The following IFT46 variants were observed in gnomAD, a reference collection of about 807,000 sequenced individuals.
The protein encoded by IFT46 is intraflagellar transport protein 46 homolog.
A neutral mutation model predicts 39.6 loss-of-function variants in IFT46; 19 were observed. The ratio of observed to expected loss-of-function variants is 0.48; its 90% CI spans 0.33 to 0.70. The LOEUF (loss-of-function observed/expected upper bound fraction) is 0.70, where lower values mean the gene tolerates loss of function less well. IFT46 is among the 30% of genes least tolerant of loss of function. The probability of loss-of-function intolerance (pLI) is 0.01; values close to 1 mark genes in which losing one functional copy is unlikely to be tolerated. For synonymous variants in IFT46, 117 were observed against 134.8 expected, an observed-to-expected ratio of 0.87 and a Z score of 0.91; for missense variants, 334 against 364.8, an observed-to-expected ratio of 0.92 and a Z score of 0.69.
chr11:118,545,688 A>C, intron 10 of IFT46, 105 bp downstream of exon 10: 1 of 1,312,714 alleles, frequency 7.6e-7, no homozygotes, highest in Non-Finnish European at 1.1e-6. Context: ...CTTAAAGTGA[A>C]GGCTGAAACT....
At chr11:118,550,012 G>A (rs782666373) in intron 9 of IFT46, among the ~76,000 whole-genome samples, 86 of 150,674 alleles carry the variant, frequency 5.7e-4, no homozygotes, top group Non-Finnish European at 1.1e-3. Context: ...CAACCTCCGT[G>A]CCCTCCTCTG....
At chr11:118,569,123 C>CA (rs782641298), upstream of IFT46, among the ~76,000 whole-genome samples, 171 of 149,950 alleles carry the variant, frequency 1.1e-3, no homozygotes, top group Non-Finnish European at 2.0e-3. Context: ...ACTAAAAATA[C>CA]AAAAAACTAG....
At chr11:118,546,272 C>T in intron 9 of IFT46, 1 of 669,722 alleles carries the variant, frequency 1.5e-6, no homozygotes, top group Non-Finnish European at 2.7e-6. Flanking sequence ...TTGAGGTGGG[C>T]AGATCGCCTG....
intron 2 of IFT46, among the ~76,000 whole-genome samples, chr11:118,563,290 T>C (rs1244611094): frequency 6.6e-6 from 1 of 152,124 alleles, no homozygotes; most frequent in Non-Finnish European, 1.5e-5. Flanking sequence ...AAGCAAGCAA[T>C]AGGGAACTAT....
intron 4 of IFT46, among the ~76,000 whole-genome samples, 157 bp downstream of exon 4, chr11:118,556,749 C>G (rs1937849538): frequency 6.6e-6 from 1 of 152,110 alleles, no homozygotes; most frequent in Non-Finnish European, 1.5e-5. Context: ...GGGAGGAAAA[C>G]TCATTATTAT....
intron 2 of IFT46, among the ~76,000 whole-genome samples, chr11:118,562,745 T>G (rs930999815): frequency 1.3e-5 from 2 of 151,982 alleles, no homozygotes; most frequent in African/African-American, 4.8e-5. Flanking sequence ...ACAACCCGAG[T>G]GTCCATTAAC....
chr11:118,544,725 C>A lies in IFT46; in HGVS notation c.*191G>T. On this transcript the variant is annotated 3_prime_UTR_variant, in exon 12 of 12. Transcript: ENST00000264021. The stretch of plus-strand genomic sequence containing the variant: ...AGATGCATTAACTCCCCGGGGACAG[C>A]AATCTGAGGCAGGCAGGTTCATTAA... The A allele has an allele frequency of 1.8e-6, 1 of 551,194 alleles. No individual in the cohort carries two copies. 34.1% of individuals were successfully genotyped at this position (551,194 alleles called of 1,614,324 possible).
At chr11:118,552,112 T>C in intron 8 of IFT46, 102 bp downstream of exon 8, 2 of 1,409,542 alleles carry the variant, frequency 1.4e-6, no homozygotes, top group South Asian at 2.6e-5. Flanking sequence ...CTCAGGTTGA[T>C]CAAATATGTT....
intron 7 of IFT46, among the ~76,000 whole-genome samples, chr11:118,554,210 C>G (rs1937749283): frequency 6.6e-6 from 1 of 152,018 alleles, no homozygotes; most frequent in Non-Finnish European, 1.5e-5. Context: ...GCCACTACAC[C>G]CTGCTAATTT....
At position 118,545,251 on chromosome 11, in the gene IFT46, T is replaced by C. The variant is rs1288972395; in HGVS notation, c.819+158A>G. On this transcript the variant is annotated intron_variant, in intron 11 of 11. Coordinates refer to ENST00000264021, the MANE Select transcript of IFT46 (RefSeq NM_001168618.2). ...CTCCACTTTCCCCTTGAAAACTCCA[T>C]CCCTGCCTCCTTTGCTCTCCTAATT... 2.0e-5 allele frequency among the ~76,000 whole-genome samples: 3 copies of C among 152,030 alleles called. No homozygotes were observed. In the East Asian group the frequency reaches 5.8e-4, roughly 29 times the overall value.
upstream of IFT46, among the ~76,000 whole-genome samples, chr11:118,569,297 T>C (rs1483245343): frequency 6.6e-6 from 1 of 151,726 alleles, no homozygotes; most frequent in Non-Finnish European, 1.5e-5. Flanking sequence ...AAAAATTTTT[T>C]TTTTTAAAAT....
intron 9 of IFT46, 71 bp from the exon 10 acceptor site, chr11:118,545,924 G>A: frequency 1.5e-6 from 2 of 1,308,418 alleles, no homozygotes; most frequent in Non-Finnish European, 2.2e-6. Flanking sequence ...CTCTCTCTCT[G>A]AAGCAAAAGA....
rs577013221 is a variant in IFT46, at chr11:118,562,003, A to T, written c.-35-2139T>A. ...AAAATACAAAAATTAGGCCGGGCACAGTGGCTCCTGCCTGTAATCCCAGCA... is the reference window on the plus strand; with the variant it reads ...AAAATACAAAAATTAGGCCGGGCACTGTGGCTCCTGCCTGTAATCCCAGCA... On this transcript the variant is annotated intron_variant, in intron 2 of 11. Coordinates refer to ENST00000264021, the MANE Select transcript of IFT46 (RefSeq NM_001168618.2). 2.0e-4 allele frequency among the ~76,000 whole-genome samples: 30 copies of T among 152,136 alleles called. No homozygotes were observed. The South Asian group carries it at 4.6e-3, about 23-fold the overall frequency.
intron 9 of IFT46, chr11:118,546,397 G>A: frequency 2.1e-6 from 1 of 474,310 alleles, no homozygotes; most frequent in South Asian, 2.4e-5. Flanking sequence ...AGGCTGGGGT[G>A]GGAGGACTGC....
At chr11:118,556,779 T>C (rs1937850603) in intron 4 of IFT46, 127 bp downstream of exon 4, 2 of 1,203,994 alleles carry the variant, frequency 1.7e-6, no homozygotes, top group South Asian at 2.3e-5. Flanking sequence ...CTGAGACATC[T>C]GAAAATCCTA....
chr11:118,569,822 T>C (rs1370863437), upstream of IFT46, among the ~76,000 whole-genome samples: 1 of 152,136 alleles, frequency 6.6e-6, no homozygotes, highest in Non-Finnish European at 1.5e-5. Flanking sequence ...TCAATAAATG[T>C]TAGGGAACAC....
chr11:118,545,810 T>C lies in IFT46; in HGVS notation c.716A>G (p.Tyr239Cys). 6.2e-7 allele frequency: 1 copy of C among 1,614,166 alleles called. No individual in the cohort carries two copies. The highest frequency in any genetic ancestry group is 8.5e-7 in the Non-Finnish European group (1 of 1,180,012). The change falls in exon 10 of 12, where the codon TAC (tyrosine) becomes TGC (cysteine). Residue 239 changes from tyrosine (Y) to cysteine (C), a missense_variant. Tyr to Cys is a radical substitution (Grantham distance 194). Coordinates refer to ENST00000264021, the MANE Select transcript of IFT46 (RefSeq NM_001168618.2). ...TAEIDCSLAE[Y>C]IDMICAILDI... ...GAACTCACCACAGATCATGTCAATG[T>C]ACTCTGCCAGGCTGCAATCAATCTC...
intron 2 of IFT46, chr11:118,560,710 T>C (rs1565350466): frequency 1.6e-5 from 10 of 620,912 alleles, no homozygotes; most frequent in Non-Finnish European, 2.9e-5. Context: ...TTAAAGTTGT[T>C]AAGAATAAAG....
chr11:118,546,479 T>A, intron 9 of IFT46: 1 of 246,266 alleles, frequency 4.1e-6, no homozygotes, highest in African/African-American at 2.3e-5. Context: ...CATAGAGTAA[T>A]ACCCTGTAAA....
Sources: gnomAD v4.1 joint callset for allele counts (sites outside exome capture counted in the v4.1 genomes callset) on GRCh38, gnomAD v4.1.1 for gene constraint, MANE v1.5 for transcripts, NCBI Gene and HGNC (gene_info 2026-07-23, HGNC 2026-07-21) for gene names.